GAREM2: variants seen among roughly 807,000 people sequenced by gnomAD.
GAREM2 encodes GRB2-associated and regulator of MAPK protein 2.
A neutral mutation model predicts 55.6 loss-of-function variants in GAREM2; 30 were observed. The ratio of observed to expected loss-of-function variants is 0.54; its 90% CI spans 0.40 to 0.73. The LOEUF (loss-of-function observed/expected upper bound fraction) is 0.73, where lower values mean the gene tolerates loss of function less well. Ranked by LOEUF, GAREM2 falls within the 30% of genes least tolerant of loss-of-function variation. The probability of loss-of-function intolerance (pLI) is 0.00; values close to 1 mark genes in which losing one functional copy is unlikely to be tolerated. For synonymous variants in GAREM2, 550 were observed against 569.1 expected (o/e 0.97, Z 0.48); for missense variants, 1,075 against 1,257.7 (o/e 0.85, Z 2.20).
the GAREM2 span, chr2:26,201,207 A>T: frequency 6.2e-7 from 1 of 1,613,904 alleles, no homozygotes; most frequent in South Asian, 1.1e-5. Context: ...CACAGCTTCA[A>T]TCACCATGTC....
At chr2:26,183,201 G>A in intron 3 of GAREM2, 104 bp downstream of exon 3, 3 of 1,331,914 alleles carry the variant, frequency 2.3e-6, no homozygotes, top group Non-Finnish European at 3.1e-6. Context: ...AAGAAGGAGA[G>A]CGGCTCCTGG....
downstream of GAREM2, chr2:26,191,238 C>T: frequency 6.2e-7 from 1 of 1,611,996 alleles, no homozygotes. Flanking sequence ...CTGAGCGAGG[C>T]ATGAGGCCTG....
chr2:26,184,111 C>T (rs115280722), intron 3 of GAREM2, 122 bp from the exon 4 acceptor site: 15,659 of 1,424,332 alleles, frequency 0.011, 106 homozygotes, highest in Middle Eastern at 0.016. Context: ...GGCCTACCAT[C>T]TAGTCCGAGC....
chr2:26,176,403 T>C lies in GAREM2; in HGVS notation c.172T>C (p.Trp58Arg). 8 of 1,550,470 alleles carry C rather than the reference T, an allele frequency of 5.2e-6. No homozygotes were observed. Among genetic ancestry groups the C allele is most frequent in the Non-Finnish European group, 7.0e-6 (8 of 1,146,336 alleles). The change falls in exon 2 of 6, where the codon TGG becomes CGG. Residue 58 changes from tryptophan (W) to arginine (R), a missense_variant. This residue lies in a region of GAREM2 where 230 missense variants were observed against 310.6 expected (regional missense o/e 0.74). Coordinates refer to ENST00000401533, the MANE Select transcript of GAREM2 (RefSeq NM_001168241.2). Reference sequence around the variant, plus strand: ...CCTGCTCATCCACTCCTGCCGGCAGTGGACAACGGTGACAGCTCATACCCT... The same window carrying C: ...CCTGCTCATCCACTCCTGCCGGCAGCGGACAACGGTGACAGCTCATACCCT... ...DILLIHSCRQ[W>R]TTVTAHTLEE... is the part of the protein sequence containing the mutation.
At chr2:26,194,523 C>G (rs201094545), downstream of GAREM2, 1 of 1,099,348 alleles carries the variant, frequency 9.1e-7, no homozygotes, top group Non-Finnish European at 1.4e-6. Context: ...TTTAGAGTGA[C>G]TGAAGGAGTG....
the GAREM2 span, among the ~76,000 whole-genome samples, chr2:26,198,874 A>G: frequency 2.0e-5 from 3 of 151,138 alleles, no homozygotes; most frequent in Non-Finnish European, 4.4e-5. Flanking sequence ...TCATAGTGAG[A>G]CCCTATATCT....
Position 26,180,993 on chromosome 2 carries a change from T to C in GAREM2, c.254-1974T>C, listed in dbSNP as rs139126681. 1.8e-5 allele frequency: 18 copies of C among 985,618 alleles called. No homozygotes were observed. The African/African-American group carries it at 3.0e-4, about 16-fold the overall frequency. The allele number at this position is 985,618 out of a possible 1,614,324, so 61.1% of individuals were successfully genotyped here. ...CCCTTCCTTCCCCACCTCCCCCTTC[T>C]TCTGTCACCCAAGCCTGCTGGGTCT... is the stretch of plus-strand genomic sequence containing the variant. On this transcript the variant is annotated intron_variant, in intron 2 of 5. Coordinates refer to ENST00000401533, the MANE Select transcript of GAREM2 (RefSeq NM_001168241.2).
At chr2:26,193,187 C>T (rs536149283), downstream of GAREM2, among the ~76,000 whole-genome samples, 6 of 151,988 alleles carry the variant, frequency 3.9e-5, no homozygotes, top group Non-Finnish European at 7.4e-5. Flanking sequence ...AAATGCTTGT[C>T]CATCTGGCAT....
intron 4 of GAREM2, 101 bp downstream of exon 4, chr2:26,185,377 C>G (rs895349922): frequency 5.1e-6 from 7 of 1,384,054 alleles, no homozygotes; most frequent in Non-Finnish European, 6.5e-6. Flanking sequence ...GAGGTGTCTT[C>G]CTCGGCGGGG....
At chr2:26,202,242 A>G in the GAREM2 span, among the ~76,000 whole-genome samples, 1 of 152,206 alleles carries the variant, frequency 6.6e-6, no homozygotes, top group African/African-American at 2.4e-5. Context: ...GGGAGCAGAA[A>G]AGGATTCCTG....
intron 2 of GAREM2, chr2:26,182,577 C>G: frequency 7.5e-7 from 1 of 1,336,034 alleles, no homozygotes; most frequent in Non-Finnish European, 1.0e-6. Context: ...CACGGCAAGT[C>G]AGAGGTCAGG....
intron 4 of GAREM2, among the ~76,000 whole-genome samples, chr2:26,185,525 G>A (rs1259909417): frequency 1.3e-5 from 2 of 152,232 alleles, no homozygotes; most frequent in South Asian, 4.1e-4. Context: ...TTTGAGAGGA[G>A]CCCCGAAGCA....
intron 2 of GAREM2, chr2:26,182,078 C>T: frequency 9.5e-7 from 1 of 1,054,932 alleles, no homozygotes; most frequent in South Asian, 3.9e-5. Flanking sequence ...TGAGAAGAGG[C>T]CATCCATCAG....
chr2:26,175,276 G>A (rs1289745906), intron 1 of GAREM2, among the ~76,000 whole-genome samples: 1 of 152,072 alleles, frequency 6.6e-6, no homozygotes, highest in African/African-American at 2.4e-5. Flanking sequence ...TCTGCCTCCT[G>A]GAAGCTGGGC....
rs1669149808 is a variant in GAREM2, at chr2:26,184,371, C to A, written c.523C>A (p.Leu175Met). The A allele has an allele frequency of 1.3e-6, 2 of 1,543,152 alleles. No individual in the cohort carries two copies. Among genetic ancestry groups the A allele is most frequent in the South Asian group, 1.2e-5 (1 of 83,904 alleles). The change falls in exon 4 of 6, where the codon CTG becomes ATG. Residue 175 changes from leucine (L) to methionine (M), a missense_variant. Coordinates refer to ENST00000401533, the MANE Select transcript of GAREM2 (RefSeq NM_001168241.2). ...GGAGCGCTCGCGCTTCACCACCCTC[C>A]TGCGAAAGCTGGGCCGGGCCGGGGC... The part of the protein sequence containing the change: ...TKERSRFTTL[L>M]RKLGRAGALA...
At chr2:26,195,588 G>GT in the GAREM2 span, among the ~76,000 whole-genome samples, 9 of 96,066 alleles carry the variant, frequency 9.4e-5, no homozygotes, top group Non-Finnish European at 1.8e-4. Flanking sequence ...AGAGGATCCA[G>GT]TTTTTTTGGG....
rs1250094140 is a variant in GAREM2 at position 26,187,655 on chromosome 2, T to A, written c.2023T>A (p.Tyr675Asn). 5.8e-6 allele frequency: 9 copies of A among 1,538,728 alleles called. No homozygotes were observed. Among genetic ancestry groups the A allele is most frequent in the Non-Finnish European group, 7.9e-6 (9 of 1,140,194 alleles). ...AGGCCCAGCCTCGCCAGGCCAGGCCTATTCAGCTGCTCCCCCCTCCTCCTG... is the reference window on the plus strand; with the variant it reads ...AGGCCCAGCCTCGCCAGGCCAGGCCAATTCAGCTGCTCCCCCCTCCTCCTG... ...SPGPASPGQAYSAAPPSSCAP... is the reference protein window; with the variant it reads ...SPGPASPGQANSAAPPSSCAP... Residue 675 changes from tyrosine (Y) to asparagine (N), a missense_variant, in exon 6 of 6, where the codon TAT (tyrosine) becomes AAT (asparagine). By Grantham distance (143) the Tyr-to-Asn change is moderately radical. Transcript: ENST00000401533.
chr2:26,189,889 C>A (rs1669438226), downstream of GAREM2, among the ~76,000 whole-genome samples: 1 of 152,214 alleles, frequency 6.6e-6, no homozygotes, highest in African/African-American at 2.4e-5. Context: ...CCACTAGTTT[C>A]AACATAATTC....
At position 26,188,004 on chromosome 2, in the gene GAREM2, G is replaced by C. The variant is rs533829019; in HGVS notation, c.2372G>C (p.Gly791Ala). The C allele has an allele frequency of 6.7e-7, 1 of 1,482,972 alleles. No homozygotes were observed. The highest frequency in any genetic ancestry group is 1.4e-5 in the South Asian group (1 of 73,314). The allele number at this position is 1,482,972 out of a possible 1,614,324, so 91.9% of individuals were successfully genotyped here. Residue 791 changes from glycine (G) to alanine (A), a missense_variant, in exon 6 of 6, where the codon GGC becomes GCC. Gly to Ala is a moderately conservative substitution (Grantham distance 60). Coordinates refer to ENST00000401533, the MANE Select transcript of GAREM2 (RefSeq NM_001168241.2). ...GCCAGTCCCCGGGATGGAGCCACAG[G>C]CTTTGGAGTCCGAGATGCCTCCTCC... The part of the protein sequence containing the change: ...PPASPRDGAT[G>A]FGVRDASSWQ...
Sources: allele counts gnomAD v4.1 joint callset (sites outside exome capture counted in the v4.1 genomes callset), GRCh38; gene constraint gnomAD v4.1.1; regional missense constraint gnomAD v4.1.1; transcripts MANE v1.5; gene names NCBI Gene and HGNC (gene_info 2026-07-23, HGNC 2026-07-21).